Variants in SLC37A3 observed in about 807,000 individuals in gnomAD.
SLC37A3 encodes the protein solute carrier family 37 member 3, also known as sugar phosphate exchanger 3.
In SLC37A3, 51 loss-of-function variants were observed where a neutral mutation model predicts 67.1. The ratio of observed to expected loss-of-function variants is 0.76; its 90% CI spans 0.61 to 0.96. The LOEUF (loss-of-function observed/expected upper bound fraction) is 0.96, where lower values mean the gene tolerates loss of function less well. SLC37A3 is among the 40% of genes least tolerant of loss of function. The pLI is 0.00. For missense variants in SLC37A3, 508 were observed against 603.0 expected (o/e 0.84, Z 1.65); for synonymous variants, 214 against 231.4 (o/e 0.92, Z 0.68).
At chr7:140,362,602 C>T (rs1253451361) in intron 5 of SLC37A3, among the ~76,000 whole-genome samples, 1 of 66,184 alleles carries the variant, frequency 1.5e-5, no homozygotes, top group Non-Finnish European at 3.4e-5. Context: ...TGAGGGGCGC[C>T]TCTGCCCGGC....
chr7:140,345,818 C>G (rs1796532444), intron 11 of SLC37A3, 51 bp downstream of exon 11: 2 of 1,438,260 alleles, frequency 1.4e-6, no homozygotes, highest in Admixed American at 3.3e-5. Flanking sequence ...ATGCCTTATT[C>G]CAACCAGATT....
At chr7:140,359,783 T>C (rs150268277) in intron 5 of SLC37A3, among the ~76,000 whole-genome samples, 62 of 152,254 alleles carry the variant, frequency 4.1e-4, no homozygotes, top group African/African-American at 1.4e-3. Flanking sequence ...AGAAAAATGA[T>C]CAGGGGTTGC....
chr7:140,370,818 G>T (rs1036066392), intron 3 of SLC37A3, among the ~76,000 whole-genome samples: 2 of 152,114 alleles, frequency 1.3e-5, no homozygotes, highest in African/African-American at 4.8e-5. Flanking sequence ...TATCCTTCTA[G>T]TCTGGTACTC....
Position 140,375,171 on chromosome 7 carries a change from C to CAA in SLC37A3, c.198+5109_198+5110dup, listed in dbSNP as rs147837304. On this transcript the variant is annotated intron_variant, in intron 3 of 14. Coordinates refer to ENST00000326232, the MANE Select transcript of SLC37A3 (RefSeq NM_207113.3). ...TCCGCCTCAAAAAAAAAACAAAAAACAACAAAAAAAAAACAGGCTGGGTGC... is the reference window on the plus strand; with the variant it reads ...TCCGCCTCAAAAAAAAAACAAAAAACAAAACAAAAAAAAAACAGGCTGGGTGC... Among the ~76,000 whole-genome samples, 309 of 132,672 alleles carry CAA rather than the reference C, an allele frequency of 2.3e-3. 2 individuals are homozygous for CAA. Among genetic ancestry groups the CAA allele is most frequent in the East Asian group, 6.0e-3 (27 of 4,502 alleles). The allele number at this position is 132,672 out of a possible 152,430, so 87.0% of individuals were successfully genotyped here.
intron 4 of SLC37A3, among the ~76,000 whole-genome samples, chr7:140,365,987 G>C (rs1034587915): frequency 1.7e-5 from 2 of 119,354 alleles, no homozygotes; most frequent in African/African-American, 6.6e-5. Flanking sequence ...ATCCAGGCTG[G>C]AATGCAATGA....
rs1376490754 is a variant in SLC37A3, at chr7:140,348,575, G to C, written c.1024+51C>G. 3 of 1,548,390 alleles carry C rather than the reference G, an allele frequency of 1.9e-6. No individual in the cohort carries two copies. The Admixed American group carries it at 6.7e-5, about 35-fold the overall frequency. ...GGCCAGATTTCACAACCCAGTAAAAGATCACTAGTGACTAACTCTTTATTA... is the reference window on the plus strand; with the variant it reads ...GGCCAGATTTCACAACCCAGTAAAACATCACTAGTGACTAACTCTTTATTA... On this transcript the variant is annotated intron_variant, in intron 10 of 14. Transcript: ENST00000326232.
chr7:140,358,573 C>G, intron 6 of SLC37A3, 67 bp downstream of exon 6: 1 of 1,600,158 alleles, frequency 6.2e-7, no homozygotes, highest in Middle Eastern at 1.7e-4. Flanking sequence ...CTGACTTTGA[C>G]AAGTCTGAAA....
rs1303415001 is a variant in SLC37A3 at position 140,361,536 on chromosome 7, T to TCTCC, written c.376-2752_376-2751insGGAG. On this transcript the variant is annotated intron_variant, in intron 5 of 14. Coordinates refer to ENST00000326232, the MANE Select transcript of SLC37A3 (RefSeq NM_207113.3). Reference sequence around the variant, plus strand: ...CCCTCCCCCTCCCCCTCCCCCTCCCTCTCTCCCTCTCCGTCTCCCTCTCTC... The same window carrying TCTCC: ...CCCTCCCCCTCCCCCTCCCCCTCCCTCTCCCTCTCCCTCTCCGTCTCCCTCTCTC... 3.8e-3 allele frequency among the ~76,000 whole-genome samples: 251 copies of TCTCC among 65,438 alleles called. 18 individuals are homozygous for TCTCC. The highest frequency in any genetic ancestry group is 0.024 in the East Asian group (48 of 1,988). The allele number at this position is 65,438 out of a possible 152,430, so 42.9% of individuals were successfully genotyped here.
chr7:140,336,042 C>A (rs1314534998), intron 14 of SLC37A3, among the ~76,000 whole-genome samples: 1 of 152,226 alleles, frequency 6.6e-6, no homozygotes, highest in Non-Finnish European at 1.5e-5. Context: ...AAGCTGCCTT[C>A]AATTACAGTG....
rs764088680 is a variant in SLC37A3 at position 140,338,387 on chromosome 7, G to A, written c.1327-1038C>T. Among the ~76,000 whole-genome samples, 32 of 152,112 alleles carry A rather than the reference G, an allele frequency of 2.1e-4. 1 individual carries two copies. The highest frequency in any genetic ancestry group is 1.7e-3 in the Admixed American group (26 of 15,268). On this transcript the variant is annotated intron_variant, in intron 13 of 14. Coordinates refer to ENST00000326232, the MANE Select transcript of SLC37A3 (RefSeq NM_207113.3). The stretch of plus-strand genomic sequence containing the variant: ...TGAACTGGCCTATGCTAGATATTTC[G>A]TGTAAATGGAATCACAGTATTTGTC...
In SLC37A3 at chr7:140,380,037, G is replaced by A. The variant is rs528630183; in HGVS notation, c.198+245C>T. 1.8e-4 allele frequency: 49 copies of A among 276,902 alleles called. No homozygotes were observed. In the South Asian group the frequency reaches 4.5e-3, roughly 25 times the overall value. The allele number at this position is 276,902 out of a possible 1,614,324, so 17.2% of individuals were successfully genotyped here. ...ACGAGCACAGCACTAACGAAAGCCA[G>A]TGAAAAAACAGCCTTGTCAAAAGGT... On this transcript the variant is annotated intron_variant, in intron 3 of 14. Coordinates refer to ENST00000326232, the MANE Select transcript of SLC37A3 (RefSeq NM_207113.3).
At chr7:140,350,374 G>A (rs1361655948) in intron 9 of SLC37A3, among the ~76,000 whole-genome samples, 1 of 152,104 alleles carries the variant, frequency 6.6e-6, no homozygotes, top group Non-Finnish European at 1.5e-5. Flanking sequence ...AAGGGATTTA[G>A]TGTAGACGTT....
chr7:140,346,890 T>C (rs965304052), intron 10 of SLC37A3, among the ~76,000 whole-genome samples: 1 of 151,746 alleles, frequency 6.6e-6, no homozygotes, highest in African/African-American at 2.4e-5. Flanking sequence ...GTGAGCTGTA[T>C]TGTGCCACTG....
At chr7:140,368,403 TA>T (rs768223764) in intron 4 of SLC37A3, among the ~76,000 whole-genome samples, 136 of 151,798 alleles carry the variant, frequency 9.0e-4, no homozygotes, top group Non-Finnish European at 1.6e-3. Flanking sequence ...CGGTCTCTAC[TA>T]AAAAAACACA....
Position 140,355,747 on chromosome 7 carries a change from C to T in SLC37A3, c.539G>A (p.Gly180Asp), listed in dbSNP as rs1305130709. 3 of 1,613,780 alleles carry T rather than the reference C, an allele frequency of 1.9e-6. No individual in the cohort carries two copies. The highest frequency in any genetic ancestry group is 1.3e-5 in the African/African-American group (1 of 74,956). Reference protein sequence around the residue: ...FGKAGRGVVFGLWSACASVGN... With the variant: ...FGKAGRGVVFDLWSACASVGN... ...CACCGAAGCACAGGCACTCCAGAGA[C>T]CAAAAACAACTCCTCGTCTAAGATG... Residue 180 changes from glycine to aspartate, a missense_variant, in exon 7 of 15, where the codon GGT becomes GAT. Physicochemically the swap from Gly to Asp is moderately conservative, Grantham distance 94. Coordinates refer to ENST00000326232, the MANE Select transcript of SLC37A3 (RefSeq NM_207113.3).
At chr7:140,338,902 G>A (rs1796246965) in intron 13 of SLC37A3, among the ~76,000 whole-genome samples, 1 of 150,808 alleles carries the variant, frequency 6.6e-6, no homozygotes, top group Non-Finnish European at 1.5e-5. Flanking sequence ...AGTAGCTGAG[G>A]TGCCACCCCC....
chr7:140,345,829 A>G (rs1796533056), intron 11 of SLC37A3, 40 bp downstream of exon 11: 1 of 1,468,684 alleles, frequency 6.8e-7, no homozygotes, highest in South Asian at 1.1e-5. Flanking sequence ...CAACCAGATT[A>G]GGGGAGCAAA....
At chr7:140,377,066 C>G (rs1798059782) in intron 3 of SLC37A3, among the ~76,000 whole-genome samples, 1 of 151,790 alleles carries the variant, frequency 6.6e-6, no homozygotes, top group South Asian at 2.1e-4. Context: ...GCCTCAGCCT[C>G]CCAAGAAGCT....
chr7:140,372,994 C>T (rs191251950), intron 3 of SLC37A3, among the ~76,000 whole-genome samples: 5 of 152,256 alleles, frequency 3.3e-5, no homozygotes, highest in South Asian at 2.1e-4. Flanking sequence ...CCCTGTTGCC[C>T]AGGCTGGAGT....
Sources: allele counts gnomAD v4.1 joint callset (sites outside exome capture counted in the v4.1 genomes callset), GRCh38; gene constraint gnomAD v4.1.1; transcripts MANE v1.5; gene names NCBI Gene and HGNC (gene_info 2026-07-23, HGNC 2026-07-21).